Variants in ERICH1 observed in about 807,000 individuals in gnomAD.
ERICH1 encodes the protein glutamate rich 1.
In ERICH1, 56 loss-of-function variants were observed where a neutral mutation model predicts 39.6. The observed-to-expected ratio is 1.41, with a 90% CI of 1.14 to 1.77. The LOEUF is 1.77. ERICH1 is among the 40% of genes most tolerant of loss of function. The pLI, the probability that ERICH1 is intolerant of heterozygous loss-of-function variation, is 0.00. For missense variants in ERICH1, 826 were observed against 575.4 expected, an observed-to-expected ratio of 1.44 and a Z score of -4.45; for synonymous variants, 313 against 223.6, an observed-to-expected ratio of 1.40 and a Z score of -3.57.
chr8:724,806 C>T (rs1034736852), intron 1 of ERICH1, among the ~76,000 whole-genome samples: 2 of 152,186 alleles, frequency 1.3e-5, no homozygotes, highest in African/African-American at 2.4e-5. Flanking sequence ...GTTGTTTGCA[C>T]GGGCAGGTTA....
chr8:638,107 C>T (rs551507155), intron 3 of ERICH1, among the ~76,000 whole-genome samples: 55 of 152,346 alleles, frequency 3.6e-4, no homozygotes, highest in African/African-American at 1.3e-3. Context: ...AGTCAGGCTG[C>T]GGGAGCACAA....
chr8:655,660 ATTCCTTCCTTCCTTCCTTCCTTCCTTCC>A (rs57152332), intron 3 of ERICH1, among the ~76,000 whole-genome samples: 3 of 142,984 alleles, frequency 2.1e-5, no homozygotes, highest in South Asian at 2.4e-4. Context: ...TGTCCTCTGC[ATTCCTTCCTTCCTTCCTTCCTTCCTTCC>A]TTCCTTCCTT....
At chr8:615,588 C>A in intron 3 of ERICH1, 1 of 301,416 alleles carries the variant, frequency 3.3e-6, no homozygotes, top group East Asian at 6.3e-5. Context: ...TTGGCAAATG[C>A]TATGAACTAT....
intron 3 of ERICH1, among the ~76,000 whole-genome samples, chr8:630,400 G>C (rs1170515248): frequency 7.1e-6 from 1 of 141,766 alleles, no homozygotes; most frequent in Non-Finnish European, 1.5e-5. Context: ...AGACAGAGCT[G>C]ACTCACACCC....
At chr8:707,980 G>A (rs969278580) in intron 2 of ERICH1, among the ~76,000 whole-genome samples, 2 of 152,108 alleles carry the variant, frequency 1.3e-5, no homozygotes, top group Non-Finnish European at 1.5e-5. Flanking sequence ...ACTGGGCAAA[G>A]GACGTAAGCA....
chr8:617,970 T>C (rs1232128334), intron 3 of ERICH1, among the ~76,000 whole-genome samples: 1 of 145,370 alleles, frequency 6.9e-6, no homozygotes. Context: ...GAGTGCTGGG[T>C]GCTCAGTCTA....
At chr8:728,640 T>C (rs1322825613) in intron 1 of ERICH1, among the ~76,000 whole-genome samples, 1 of 152,210 alleles carries the variant, frequency 6.6e-6, no homozygotes, top group Non-Finnish European at 1.5e-5. Context: ...GAGGCCATAG[T>C]GCCCTTCCCC....
chr8:726,972 CGT>C (rs1563377774), intron 1 of ERICH1, among the ~76,000 whole-genome samples: 3 of 132,862 alleles, frequency 2.3e-5, no homozygotes, highest in South Asian at 2.1e-4. Flanking sequence ...CATGCACACA[CGT>C]ACACATACAC....
chr8:699,374 A>G (rs1265991861), intron 2 of ERICH1, among the ~76,000 whole-genome samples: 2 of 152,196 alleles, frequency 1.3e-5, no homozygotes, highest in Non-Finnish European at 2.9e-5. Flanking sequence ...CTCTCCTGGT[A>G]CCACGACATT....
intron 2 of ERICH1, among the ~76,000 whole-genome samples, chr8:700,970 C>G (rs554893238): frequency 6.6e-6 from 1 of 152,246 alleles, no homozygotes; most frequent in Non-Finnish European, 1.5e-5. Context: ...GAAAAGCAGC[C>G]GAGAGGAAGT....
At chr8:636,995 T>C (rs982896488) in intron 3 of ERICH1, among the ~76,000 whole-genome samples, 1 of 152,236 alleles carries the variant, frequency 6.6e-6, no homozygotes. Context: ...GGTTCAGGAC[T>C]TTAAGCCAGA....
At chr8:694,511 G>A (rs1468093687) in intron 2 of ERICH1, among the ~76,000 whole-genome samples, 2 of 152,224 alleles carry the variant, frequency 1.3e-5, no homozygotes, top group African/African-American at 4.8e-5. Context: ...CAAGGATGCA[G>A]CTAAGAGGAC....
intron 2 of ERICH1, among the ~76,000 whole-genome samples, chr8:708,687 T>TGTTTTTTTG (rs1245939471): frequency 2.0e-5 from 1 of 51,086 alleles, no homozygotes; most frequent in Non-Finnish European, 4.1e-5. Context: ...ATGAGTTTTT[T>TGTTTTTTTG]TTTTTTTTTT....
chr8:693,550 C>G (rs1169884560), intron 2 of ERICH1, among the ~76,000 whole-genome samples: 2 of 149,168 alleles, frequency 1.3e-5, no homozygotes, highest in African/African-American at 4.9e-5. Context: ...TACCAGAGGT[C>G]GTTACCACCG....
rs1464032043 is a variant in ERICH1 at position 639,691 on chromosome 8, CAA to C, written c.977-24409_977-24408del. The stretch of plus-strand genomic sequence containing the variant: ...CACCAATCCAGTTAGCAGACACGAC[CAA>C]GCACCCTGGATTCACAGCCAGCCAC... On this transcript the variant is annotated intron_variant, in intron 3 of 3. Coordinates refer to the ERICH1 transcript ENST00000522706. Among the ~76,000 whole-genome samples, 57 of 129,056 alleles carry C rather than the reference CAA, an allele frequency of 4.4e-4. 6 individuals are homozygous for C. In the East Asian group the frequency reaches 9.6e-3, roughly 22 times the overall value. The allele number at this position is 129,056 out of a possible 152,430, so 84.7% of individuals were successfully genotyped here.
intron 3 of ERICH1, chr8:626,582 T>G (rs1797604414): frequency 6.3e-6 from 1 of 158,338 alleles, no homozygotes; most frequent in South Asian, 1.8e-4. Flanking sequence ...CACAGTTCCC[T>G]CCGAGAAGTG....
At chr8:730,349 T>G (rs1051231248) in intron 1 of ERICH1, among the ~76,000 whole-genome samples, 1 of 152,220 alleles carries the variant, frequency 6.6e-6, no homozygotes. Flanking sequence ...TAGTTTGCCA[T>G]TATCTTTTCA....
intron 5 of ERICH1, among the ~76,000 whole-genome samples, chr8:665,070 G>C (rs1053009997): frequency 6.6e-6 from 1 of 152,224 alleles, no homozygotes; most frequent in Non-Finnish European, 1.5e-5. Context: ...GTAGAAAAAA[G>C]CCAGAAGTGG....
intron 1 of ERICH1, among the ~76,000 whole-genome samples, chr8:724,959 C>G (rs143138057): frequency 6.6e-6 from 1 of 152,210 alleles, no homozygotes; most frequent in South Asian, 2.1e-4. Flanking sequence ...TTCTTCCCTG[C>G]GCCAGCCACG....
Sources: allele counts gnomAD v4.1 joint callset (sites outside exome capture counted in the v4.1 genomes callset), GRCh38; gene constraint gnomAD v4.1.1; transcripts MANE v1.5; gene names NCBI Gene and HGNC (gene_info 2026-07-23, HGNC 2026-07-21).